The following SIPA1L1 variants were observed in gnomAD, a reference collection of about 807,000 sequenced individuals.
SIPA1L1 encodes signal-induced proliferation-associated 1-like protein 1.
SIPA1L1 carries 26 observed loss-of-function variants against 162.7 expected under a neutral mutation model. That is an observed-to-expected ratio of 0.16 (90% CI 0.12 to 0.22). The LOEUF (loss-of-function observed/expected upper bound fraction) is 0.22, where lower values mean the gene tolerates loss of function less well. Among genes scored for constraint, SIPA1L1 ranks in the 10% least tolerant of loss-of-function variants. The pLI is 1.00. For missense variants in SIPA1L1, 1,874 were observed against 2,241.0 expected, an observed-to-expected ratio of 0.84 and a Z score of 3.31; for synonymous variants, 829 against 837.4, an observed-to-expected ratio of 0.99 and a Z score of 0.17.
At chr14:71,537,451 CGCCTCA>C (rs2054002193) in intron 4 of SIPA1L1, among the ~76,000 whole-genome samples, 1 of 152,130 alleles carries the variant, frequency 6.6e-6, no homozygotes, top group Non-Finnish European at 1.5e-5. Flanking sequence ...GTGATCCAAC[CGCCTCA>C]GCCTCCCAAA....
Position 71,618,827 on chromosome 14 carries a change from A to G in SIPA1L1, c.1569A>G (p.Pro523=). ...PVAVSIRREK[P]DEMKENGSPY... is the part of the protein sequence containing the mutation. ...CTGTGAGCATTCGAAGGGAAAAACCAGATGAAATGAAAGAAAATGGATCTC... is the reference window on the plus strand; with the variant it reads ...CTGTGAGCATTCGAAGGGAAAAACCGGATGAAATGAAAGAAAATGGATCTC... The change falls in exon 6 of 24, where the codon CCA becomes CCG. Residue 523 remains proline (P), a synonymous_variant. Transcript: ENST00000381232. 1 of 1,614,062 alleles carries G rather than the reference A, an allele frequency of 6.2e-7. No homozygotes were observed. The highest frequency in any genetic ancestry group is 8.5e-7 in the Non-Finnish European group (1 of 1,179,898).
intron 2 of SIPA1L1, among the ~76,000 whole-genome samples, chr14:71,460,590 G>C (rs770499990): frequency 2.0e-5 from 3 of 152,162 alleles, no homozygotes; most frequent in Non-Finnish European, 4.4e-5. Context: ...TCAACTTCCA[G>C]TTTAATGGAA....
At chr14:71,669,273 A>G (rs1025790158) in intron 10 of SIPA1L1, among the ~76,000 whole-genome samples, 1 of 152,180 alleles carries the variant, frequency 6.6e-6, no homozygotes, top group Non-Finnish European at 1.5e-5. Context: ...TTTTCAGTGT[A>G]TGTTTGTCTA....
intron 2 of SIPA1L1, among the ~76,000 whole-genome samples, chr14:71,495,554 G>T (rs1040992708): frequency 6.6e-6 from 1 of 151,416 alleles, no homozygotes; most frequent in African/African-American, 2.4e-5. Context: ...ATAAAGCTTT[G>T]TCTATTTTAT....
At chr14:71,474,647 G>A (rs1248979444) in intron 2 of SIPA1L1, among the ~76,000 whole-genome samples, 1 of 152,146 alleles carries the variant, frequency 6.6e-6, no homozygotes, top group African/African-American at 2.4e-5. Flanking sequence ...TTCAGGTGAG[G>A]ACATCTCTGC....
At chr14:71,733,644 C>T in intron 20 of SIPA1L1, 22 bp from the exon 21 acceptor site, 3 of 1,610,780 alleles carry the variant, frequency 1.9e-6, no homozygotes, top group Non-Finnish European at 2.5e-6. Context: ...AGAAGCATCT[C>T]ATTCCTCCTC....
chr14:71,330,908 A>G (rs2034455394), intron 2 of SIPA1L1, among the ~76,000 whole-genome samples: 1 of 152,242 alleles, frequency 6.6e-6, no homozygotes, highest in African/African-American at 2.4e-5. Context: ...TTGATGCACA[A>G]AAATTTTTTA....
At chr14:71,704,631 G>C in intron 15 of SIPA1L1, 1 of 874,004 alleles carries the variant, frequency 1.1e-6, no homozygotes, top group South Asian at 1.4e-5. Flanking sequence ...CTCACTTTTG[G>C]AACCCCATCT....
intron 5 of SIPA1L1, among the ~76,000 whole-genome samples, chr14:71,597,643 A>G (rs780520931): frequency 1.3e-5 from 2 of 152,150 alleles, no homozygotes; most frequent in Non-Finnish European, 2.9e-5. Flanking sequence ...CATGTGTGTC[A>G]AAATTAGAAG....
Position 71,588,216 on chromosome 14 carries a change from C to A in SIPA1L1, c.344C>A (p.Pro115His), listed in dbSNP as rs774460921. ...CLDSLSSKSS[P>H]VSQGSSVSLN... ...GATAGCCTGTCCTCCAAAAGCAGTC[C>A]TGTGAGTCAGGGAAGTTCTGTTAGC... Residue 115 changes from proline (P) to histidine (H), a missense_variant, in exon 5 of 24, where the codon CCT becomes CAT. This residue lies in a region of SIPA1L1 where 685 missense variants were observed against 828.0 expected (regional missense o/e 0.83). Coordinates refer to ENST00000381232, the MANE Select transcript of SIPA1L1 (RefSeq NM_001386936.1). This position sits in a 1 kb window ranked among gnomAD's most constrained non-coding sequence, Gnocchi z 4.3. The A allele has an allele frequency of 1.2e-6, 2 of 1,614,040 alleles. No homozygotes were observed. Among genetic ancestry groups the A allele is most frequent in the African/African-American group, 2.7e-5 (2 of 74,930 alleles).
intron 4 of SIPA1L1, among the ~76,000 whole-genome samples, chr14:71,573,326 A>C (rs544626500): frequency 6.6e-6 from 1 of 152,236 alleles, no homozygotes; most frequent in South Asian, 2.1e-4. Flanking sequence ...TTTCCTATTC[A>C]AATGTGGTTG....
At chr14:71,387,162 T>C in intron 2 of SIPA1L1, among the ~76,000 whole-genome samples, 1 of 142,402 alleles carries the variant, frequency 7.0e-6, no homozygotes, top group African/African-American at 2.6e-5. Context: ...GCAGAAGAAT[T>C]GCGTGAATCT....
In SIPA1L1 at chr14:71,702,469, T is replaced by C. The variant is rs764621573; in HGVS notation, c.3610T>C (p.Trp1204Arg). The stretch of plus-strand genomic sequence containing the variant: ...TGGCAGCGGAAAATCCACGCCTAGC[T>C]GGCAAAGAAGTGAGGATAGCATTGC... ...IGGSGKSTPS[W>R]QRSEDSIADQ... The change falls in exon 15 of 24, where the codon TGG becomes CGG. Residue 1204 changes from tryptophan (W) to arginine (R), a missense_variant. Transcript: ENST00000381232. 16 of 1,614,218 alleles carry C rather than the reference T, an allele frequency of 9.9e-6. No homozygotes were observed. The highest frequency in any genetic ancestry group is 1.3e-5 in the Non-Finnish European group (15 of 1,180,006).
chr14:71,590,040 AAAAAATATATATATAT>A (rs1260849116), intron 5 of SIPA1L1, among the ~76,000 whole-genome samples: 1,209 of 64,414 alleles, frequency 0.019, 13 homozygotes, highest in African/African-American at 0.069. Flanking sequence ...AAAAAAAAAA[AAAAAATATATATATAT>A]ATATATATAT....
chr14:71,523,075 C>T (rs1316860792), intron 3 of SIPA1L1, among the ~76,000 whole-genome samples: 1 of 151,960 alleles, frequency 6.6e-6, no homozygotes, highest in Admixed American at 6.6e-5. Flanking sequence ...CATCTGTGTC[C>T]ATTCTGTGAT....
At chr14:71,420,398 T>C (rs977232376) in intron 2 of SIPA1L1, among the ~76,000 whole-genome samples, 1 of 152,214 alleles carries the variant, frequency 6.6e-6, no homozygotes, top group Non-Finnish European at 1.5e-5. Context: ...TGACTGTCTG[T>C]CTGCCTATCT....
chr14:71,505,377 G>A (rs949227427), intron 2 of SIPA1L1, among the ~76,000 whole-genome samples: 2 of 146,952 alleles, frequency 1.4e-5, no homozygotes, highest in African/African-American at 2.5e-5. Context: ...AAAACTTACC[G>A]TTACTGCTGT....
chr14:71,336,948 CCCCTGTAT>C (rs1368288775), intron 2 of SIPA1L1, among the ~76,000 whole-genome samples: 3 of 152,112 alleles, frequency 2.0e-5, no homozygotes, highest in Admixed American at 6.5e-5. Context: ...TGGACCTTGA[CCCCTGTAT>C]CTAAGCGGCT....
At chr14:71,599,460 CTTTTTTT>C (rs111750084) in intron 5 of SIPA1L1, among the ~76,000 whole-genome samples, 7 of 130,314 alleles carry the variant, frequency 5.4e-5, no homozygotes, top group African/African-American at 2.0e-4. Flanking sequence ...CGATTTCATT[CTTTTTTT>C]TTTTTTTTTT....
Sources: allele counts gnomAD v4.1 joint callset (sites outside exome capture counted in the v4.1 genomes callset), GRCh38; gene constraint gnomAD v4.1.1; regional missense constraint gnomAD v4.1.1; non-coding constraint Gnocchi (gnomAD v3.1); transcripts MANE v1.5; gene names NCBI Gene and HGNC (gene_info 2026-07-23, HGNC 2026-07-21).